Variants in TBC1D4 observed in about 807,000 individuals in gnomAD.
TBC1D4 encodes TBC (Tre-2, BUB2, CDC16) domain-containing protein.
In TBC1D4, 121 loss-of-function variants were observed where a neutral mutation model predicts 142.5. That is an observed-to-expected ratio of 0.85 (90% confidence interval 0.73 to 0.99). TBC1D4 has a LOEUF of 0.99. Among genes scored for constraint, TBC1D4 ranks in the 50% least tolerant of loss-of-function variants. TBC1D4 has a pLI of 0.00. For missense variants in TBC1D4, 1,475 were observed against 1,606.6 expected (o/e 0.92, Z 1.40); for synonymous variants, 630 against 628.2 (o/e 1.00, Z -0.04).
intron 7 of TBC1D4, among the ~76,000 whole-genome samples, chr13:75,337,813 G>A (rs1463623704): frequency 1.3e-5 from 2 of 152,200 alleles, no homozygotes; most frequent in African/African-American, 2.4e-5. Context: ...GACTTCCCCA[G>A]AACTGGGGAT....
At chr13:75,295,599 T>A (rs770184576) in intron 17 of TBC1D4, among the ~76,000 whole-genome samples, 1 of 152,162 alleles carries the variant, frequency 6.6e-6, no homozygotes, top group Non-Finnish European at 1.5e-5. Context: ...CAAACGTGAT[T>A]AAGGCAAAAA....
chr13:75,348,448 C>G (rs1016033837), intron 5 of TBC1D4, among the ~76,000 whole-genome samples: 4 of 152,186 alleles, frequency 2.6e-5, no homozygotes, highest in African/African-American at 9.7e-5. Flanking sequence ...TCTGTATCCC[C>G]CAGTGCCTAG....
At chr13:75,290,370 C>G (rs1875167054) in intron 19 of TBC1D4, among the ~76,000 whole-genome samples, 1 of 152,052 alleles carries the variant, frequency 6.6e-6, no homozygotes, top group African/African-American at 2.4e-5. Context: ...GTAATCAACT[C>G]TAATTGTTAG....
At position 75,310,002 on chromosome 13, in the gene TBC1D4, T is replaced by C. The variant is rs752692730; in HGVS notation, c.2533A>G (p.Lys845Glu). The C allele has an allele frequency of 6.2e-7, 1 of 1,614,218 alleles. No individual in the cohort carries two copies. The highest frequency in any genetic ancestry group is 8.5e-7 in the Non-Finnish European group (1 of 1,180,022). Residue 845 changes from lysine (K) to glutamate (E), a missense_variant, in exon 14 of 21, where the codon AAA becomes GAA. This residue lies in a region of TBC1D4 where 1,227 missense variants were observed against 1,267.7 expected (regional missense o/e 0.97). Transcript: ENST00000377636. The stretch of plus-strand genomic sequence containing the variant: ...AACAAGATTTGTTGGTGTATAGCTT[T>C]TCTCCACAAGCTCCTCAGTTCTTTT... ...KSKELRSLWR[K>E]AIHQQILLLR...
intron 16 of TBC1D4, 91 bp from the exon 17 acceptor site, chr13:75,299,665 AAC>A (rs370691137): frequency 1.4e-6 from 2 of 1,468,980 alleles, no homozygotes. Flanking sequence ...TCCAAGAATA[AAC>A]AGACACTCTT....
intron 1 of TBC1D4, among the ~76,000 whole-genome samples, chr13:75,426,077 G>A (rs753235345): frequency 6.6e-6 from 1 of 152,062 alleles, no homozygotes; most frequent in South Asian, 2.1e-4. Context: ...TACCATAAAT[G>A]TATAAAATTT....
intron 1 of TBC1D4, among the ~76,000 whole-genome samples, chr13:75,406,463 T>G (rs984740516): frequency 6.6e-6 from 1 of 152,164 alleles, no homozygotes; most frequent in East Asian, 1.9e-4. Context: ...TTGCATGGTT[T>G]TGTCCTTCAT....
At chr13:75,430,381 G>T (rs2138156874) in intron 1 of TBC1D4, among the ~76,000 whole-genome samples, 1 of 152,288 alleles carries the variant, frequency 6.6e-6, no homozygotes, top group East Asian at 1.9e-4. Context: ...GTATTTTTGT[G>T]AATTCTAAAT....
chr13:75,359,737 C>G (rs1294892821), intron 3 of TBC1D4, 32 bp downstream of exon 3: 4 of 1,517,698 alleles, frequency 2.6e-6, no homozygotes. Context: ...AGATTGGTCT[C>G]TTCACATACT....
chr13:75,338,028 A>T (rs184344956), intron 7 of TBC1D4, among the ~76,000 whole-genome samples: 2 of 152,358 alleles, frequency 1.3e-5, no homozygotes. Flanking sequence ...GTGCCAGGTA[A>T]ATAGGAAGAA....
At chr13:75,427,673 G>A (rs1001151787) in intron 1 of TBC1D4, among the ~76,000 whole-genome samples, 2 of 152,082 alleles carry the variant, frequency 1.3e-5, no homozygotes, top group African/African-American at 2.4e-5. Flanking sequence ...CAATACTCAC[G>A]CTCGAATTAT....
chr13:75,429,012 C>A (rs1192461143), intron 1 of TBC1D4, among the ~76,000 whole-genome samples: 3 of 152,188 alleles, frequency 2.0e-5, no homozygotes, highest in Admixed American at 2.0e-4. Context: ...GCCGAATCAC[C>A]TGACCACCAC....
At position 75,351,377 on chromosome 13, in the gene TBC1D4, TG is replaced by T. The variant is rs568094302; in HGVS notation, c.1276-2076del. ...AAGAATGGCATCAATCCTATTTTTT[TG>T]GGGGGGTATATATATACTTATTGTA... On this transcript the variant is annotated intron_variant, in intron 4 of 20. Transcript: ENST00000377636. 7.5e-4 allele frequency among the ~76,000 whole-genome samples: 114 copies of T among 151,790 alleles called. 1 individual carries two copies. In the South Asian group the frequency reaches 0.022, roughly 29 times the overall value.
chr13:75,390,869 AGG>A (rs2138300725), intron 1 of TBC1D4, among the ~76,000 whole-genome samples: 1 of 4,858 alleles, frequency 2.1e-4, no homozygotes, highest in African/African-American at 7.7e-4. Context: ...AGGGGAGGGG[AGG>A]GGAGGGGAGG....
In TBC1D4 at chr13:75,426,859, T is replaced by C. The variant is rs529291635; in HGVS notation, c.498+54411A>G. 1.5e-4 allele frequency among the ~76,000 whole-genome samples: 21 copies of C among 141,342 alleles called. No homozygotes were observed. In the East Asian group the frequency reaches 3.5e-3, roughly 24 times the overall value. 92.7% of individuals were successfully genotyped at this position (141,342 alleles called of 152,430 possible). On this transcript the variant is annotated intron_variant, in intron 1 of 20. Transcript: ENST00000377636. ...GAGTTTGAGATCAGCCCAGGCAACATGGGGAGACCCTGTCTGGAAAAAATA... is the reference window on the plus strand; with the variant it reads ...GAGTTTGAGATCAGCCCAGGCAACACGGGGAGACCCTGTCTGGAAAAAATA...
chr13:75,379,632 C>T (rs902923142), intron 1 of TBC1D4, among the ~76,000 whole-genome samples: 3 of 152,098 alleles, frequency 2.0e-5, no homozygotes, highest in Non-Finnish European at 1.5e-5. Flanking sequence ...ACAGACCAAC[C>T]TATTGAGCAA....
chr13:75,386,464 C>T (rs1044733782), intron 1 of TBC1D4, among the ~76,000 whole-genome samples: 16 of 150,306 alleles, frequency 1.1e-4, no homozygotes, highest in African/African-American at 3.9e-4. Flanking sequence ...TCTCGGCTCA[C>T]TGCAAGCTCC....
At chr13:75,348,704 G>A (rs1356280516) in intron 5 of TBC1D4, among the ~76,000 whole-genome samples, 1 of 152,060 alleles carries the variant, frequency 6.6e-6, no homozygotes, top group Non-Finnish European at 1.5e-5. Flanking sequence ...AAGCCAAGCA[G>A]GCTTCACTAA....
chr13:75,377,337 A>G (rs1883570864), intron 1 of TBC1D4: 1 of 152,198 alleles, frequency 6.6e-6, no homozygotes, highest in Admixed American at 6.6e-5. Context: ...CCAAAACCAT[A>G]GAACGAAGAG....
Sources: allele counts gnomAD v4.1 joint callset (sites outside exome capture counted in the v4.1 genomes callset), GRCh38; gene constraint gnomAD v4.1.1; regional missense constraint gnomAD v4.1.1; transcripts MANE v1.5; gene names NCBI Gene and HGNC (gene_info 2026-07-23, HGNC 2026-07-21).